Variants in HTR4 observed in about 807,000 individuals in gnomAD.
HTR4 encodes the protein 5-hydroxytryptamine (serotonin) receptor 4, G protein-coupled.
HTR4 carries 16 observed loss-of-function variants against 36.8 expected under a neutral mutation model. The observed-to-expected ratio is 0.43, with a 90% CI of 0.29 to 0.66. The LOEUF (loss-of-function observed/expected upper bound fraction) is 0.66. HTR4 is among the 30% of genes least tolerant of loss of function. HTR4 has a pLI of 0.13. For synonymous variants in HTR4, 189 were observed against 185.1 expected (o/e 1.02, Z -0.17); for missense variants, 438 against 490.9 (o/e 0.89, Z 1.02).
chr5:148,472,662 T>A (rs1755598542), downstream of HTR4, among the ~76,000 whole-genome samples: 3 of 152,162 alleles, frequency 2.0e-5, no homozygotes, highest in Admixed American at 1.3e-4. Context: ...TTAGGTTTCA[T>A]AGACAAGGTA....
At chr5:148,559,567 C>T (rs1439525179) in intron 2 of HTR4, among the ~76,000 whole-genome samples, 1 of 152,024 alleles carries the variant, frequency 6.6e-6, no homozygotes, top group Non-Finnish European at 1.5e-5. Flanking sequence ...TGCACTCTTT[C>T]CCCCTAGGTT....
At chr5:148,631,512 C>G (rs1404204219) in intron 2 of HTR4, among the ~76,000 whole-genome samples, 3 of 152,122 alleles carry the variant, frequency 2.0e-5, no homozygotes, top group Non-Finnish European at 2.9e-5. Flanking sequence ...ACAACTAACA[C>G]ACATTGATTT....
At chr5:148,560,461 A>G (rs904148190) in intron 2 of HTR4, among the ~76,000 whole-genome samples, 6 of 152,122 alleles carry the variant, frequency 3.9e-5, no homozygotes, top group Non-Finnish European at 5.9e-5. Flanking sequence ...TTGGGACCAT[A>G]CTTTGAGGAC....
At chr5:148,470,877 C>A (rs961863644) in intron 5 of HTR4, among the ~76,000 whole-genome samples, 1 of 151,836 alleles carries the variant, frequency 6.6e-6, no homozygotes, top group African/African-American at 2.4e-5. Flanking sequence ...TTAGTAGAGA[C>A]GGGGTTTCAC....
intron 2 of HTR4, among the ~76,000 whole-genome samples, chr5:148,558,746 T>C (rs1373878337): frequency 6.6e-6 from 1 of 152,178 alleles, no homozygotes; most frequent in Non-Finnish European, 1.5e-5. Context: ...TCCTGTCCTT[T>C]GTTGTAGTGA....
intron 6 of HTR4, chr5:148,484,523 C>T: frequency 1.4e-6 from 1 of 717,862 alleles, no homozygotes; most frequent in Non-Finnish European, 2.2e-6. Flanking sequence ...CAGGCTTCCA[C>T]CTATTCCCCA....
intron 2 of HTR4, among the ~76,000 whole-genome samples, chr5:148,604,958 T>G (rs1752086973): frequency 1.3e-5 from 2 of 152,242 alleles, no homozygotes; most frequent in South Asian, 4.1e-4. Flanking sequence ...TGGCTACCTA[T>G]ATACTAAATG....
In HTR4 at chr5:148,654,082, G is replaced by A. The variant is rs1334653150; in HGVS notation, c.-68C>T. On this transcript the variant is annotated 5_prime_UTR_variant, in exon 1 of 7. Transcript: ENST00000377888. ...CATACCCGCTGCCAGAGGCGAGGGA[G>A]CGAGGTGCCCTGGCAGATTCGAGCG... The A allele has an allele frequency of 1.0e-5, 10 of 985,230 alleles. No homozygotes were observed. The highest frequency in any genetic ancestry group is 1.2e-5 in the Non-Finnish European group (10 of 829,916). 61.0% of individuals were successfully genotyped at this position (985,230 alleles called of 1,614,324 possible). A position where few individuals can be genotyped will look rare whatever the true frequency, so the allele number is the denominator to read the frequency against.
chr5:148,613,483 C>T (rs978037003), intron 2 of HTR4, among the ~76,000 whole-genome samples: 22 of 152,020 alleles, frequency 1.4e-4, no homozygotes, highest in Non-Finnish European at 2.2e-4. Flanking sequence ...TTCAACAACC[C>T]TTCATGCTAA....
chr5:148,520,820 T>C (rs898041503), intron 5 of HTR4: 2 of 1,278,242 alleles, frequency 1.6e-6, no homozygotes, highest in Non-Finnish European at 2.1e-6. Context: ...TTAAAATAAA[T>C]TGGATAGGAT....
At chr5:148,556,877 C>A (rs771978965) in intron 2 of HTR4, among the ~76,000 whole-genome samples, 5 of 152,114 alleles carry the variant, frequency 3.3e-5, no homozygotes, top group Non-Finnish European at 5.9e-5. Context: ...GGTTGGGAAA[C>A]ACTGGAGGTG....
chr5:148,625,580 G>A (rs1423868328), intron 2 of HTR4, among the ~76,000 whole-genome samples: 1 of 151,840 alleles, frequency 6.6e-6, no homozygotes, highest in Non-Finnish European at 1.5e-5. Context: ...GTTTGTTTGG[G>A]GTTTTTTTGT....
intron 5 of HTR4, among the ~76,000 whole-genome samples, chr5:148,470,698 C>CT (rs1017740127): frequency 9.2e-5 from 14 of 152,068 alleles, no homozygotes; most frequent in Middle Eastern, 3.4e-3. Context: ...GAAGTAATTT[C>CT]TTTTTTTTGA....
At chr5:148,451,193 A>G in exon 6 of HTR4, 1 of 1,613,848 alleles carries the variant, frequency 6.2e-7, no homozygotes. Flanking sequence ...AATCAGAAGC[A>G]TGATTCCAGG....
At chr5:148,490,572 C>T in intron 6 of HTR4, 1 of 1,123,158 alleles carries the variant, frequency 8.9e-7, no homozygotes. Context: ...AAAAAAGGGG[C>T]TGAGAACGTG....
chr5:148,476,777 A>G, downstream of HTR4: 1 of 1,613,332 alleles, frequency 6.2e-7, no homozygotes, highest in Non-Finnish European at 8.5e-7. Flanking sequence ...AACGTAATTA[A>G]TGAACCACAC....
At chr5:148,457,947 T>C (rs1228694894) in intron 5 of HTR4, among the ~76,000 whole-genome samples, 4 of 136,758 alleles carry the variant, frequency 2.9e-5, no homozygotes, top group African/African-American at 1.1e-4. Flanking sequence ...TTTTAAGATA[T>C]ATTAAATATA....
chr5:148,516,792 C>A (rs975830127), intron 5 of HTR4, among the ~76,000 whole-genome samples: 1 of 152,090 alleles, frequency 6.6e-6, no homozygotes, highest in Non-Finnish European at 1.5e-5. Flanking sequence ...TAAAAAAGTA[C>A]AGTTGCTCTG....
chr5:148,555,418 G>A (rs1013713057), intron 2 of HTR4, among the ~76,000 whole-genome samples: 47 of 152,214 alleles, frequency 3.1e-4, no homozygotes, highest in African/African-American at 9.6e-4. Context: ...TTAGGAGTTA[G>A]AAATAGCTTA....
Sources: gnomAD v4.1 joint callset for allele counts (sites outside exome capture counted in the v4.1 genomes callset) on GRCh38, gnomAD v4.1.1 for gene constraint, MANE v1.5 for transcripts, NCBI Gene and HGNC (gene_info 2026-07-23, HGNC 2026-07-21) for gene names.